The following SPI1 variants were observed in gnomAD, a reference collection of about 807,000 sequenced individuals.
SPI1 encodes transcription factor PU.1.
In SPI1, 3 loss-of-function variants were observed where a neutral mutation model predicts 30.7. The ratio of observed to expected loss-of-function variants is 0.10; its 90% CI spans 0.04 to 0.25. The LOEUF (loss-of-function observed/expected upper bound fraction) is 0.25, where lower values mean the gene tolerates loss of function less well. Ranked by LOEUF, SPI1 falls within the 10% of genes least tolerant of loss-of-function variation. The probability of loss-of-function intolerance (pLI) is 1.00; values close to 1 mark genes in which losing one functional copy is unlikely to be tolerated. For missense variants in SPI1, 261 were observed against 371.5 expected (o/e 0.70, Z 2.45); for synonymous variants, 169 against 157.1 (o/e 1.08, Z -0.56).
At chr11:47,361,127 A>C (rs1265024173) in intron 2 of SPI1, among the ~76,000 whole-genome samples, 2 of 151,602 alleles carry the variant, frequency 1.3e-5, no homozygotes, top group African/African-American at 2.4e-5. Context: ...TCTCAAAAAG[A>C]AAAAAAAAGA....
intron 1 of SPI1, 42 bp downstream of exon 1, chr11:47,378,267 G>C: frequency 6.2e-7 from 1 of 1,606,124 alleles, no homozygotes; most frequent in Non-Finnish European, 8.5e-7. Context: ...GCAGGCGTCC[G>C]AGGGCCACGG....
Position 47,355,261 on chromosome 11 carries a change from C to A in SPI1, c.779G>T (p.Gly260Val). ...YQFSGEVLGR[G>V]GLAERRHPPH is the part of the protein sequence containing the mutation. ...CGGGTGGCGCCGCTCGGCCAGGCCC[C>A]CGCGGCCCAGCACTTCGCCGCTGAA... is the stretch of plus-strand genomic sequence containing the variant. The change falls in exon 5 of 5, where the codon GGG (glycine) becomes GTG (valine). Residue 260 changes from glycine to valine, a missense_variant. Transcript: ENST00000378538. The A allele has an allele frequency of 6.7e-7, 1 of 1,502,138 alleles. No homozygotes were observed. Among genetic ancestry groups the A allele is most frequent in the South Asian group, 1.3e-5 (1 of 78,660 alleles). 93.1% of individuals were successfully genotyped at this position (1,502,138 alleles called of 1,614,324 possible).
chr11:47,378,119 C>T (rs954531130), intron 1 of SPI1, among the ~76,000 whole-genome samples, 190 bp downstream of exon 1: 3 of 152,252 alleles, frequency 2.0e-5, no homozygotes, highest in Non-Finnish European at 1.5e-5. Flanking sequence ...GGCCTCAGCC[C>T]GCCAGGGCAT....
intron 2 of SPI1, among the ~76,000 whole-genome samples, chr11:47,369,086 A>G (rs2095932225): frequency 6.6e-6 from 1 of 152,114 alleles, no homozygotes; most frequent in African/African-American, 2.4e-5. Flanking sequence ...TCTCTACTAA[A>G]AATACACACA....
At chr11:47,357,002 ACAC>A (rs1595855034) in intron 4 of SPI1, among the ~76,000 whole-genome samples, 1 of 148,914 alleles carries the variant, frequency 6.7e-6, no homozygotes, top group Admixed American at 6.7e-5. Context: ...ATCCATACAC[ACAC>A]TTCCTCACAC....
chr11:47,356,257 A>G (rs1378564942), intron 4 of SPI1, among the ~76,000 whole-genome samples: 1 of 149,580 alleles, frequency 6.7e-6, no homozygotes, highest in Non-Finnish European at 1.5e-5. Flanking sequence ...ACACACTGGC[A>G]CCCACACGAC....
chr11:47,361,974 A>G (rs1041829107), intron 2 of SPI1, among the ~76,000 whole-genome samples: 1 of 152,148 alleles, frequency 6.6e-6, no homozygotes, highest in African/African-American at 2.4e-5. Context: ...AGTCCAGACA[A>G]CCCAGACTCC....
intron 2 of SPI1, among the ~76,000 whole-genome samples, chr11:47,369,661 T>C (rs2095933090): frequency 1.3e-5 from 2 of 151,942 alleles, no homozygotes; most frequent in African/African-American, 4.8e-5. Context: ...GGAAAAACTC[T>C]AGTAACCAGA....
At chr11:47,377,857 T>G (rs1313475677) in intron 1 of SPI1, among the ~76,000 whole-genome samples, 1 of 152,228 alleles carries the variant, frequency 6.6e-6, no homozygotes, top group African/African-American at 2.4e-5. Flanking sequence ...TTCCATCAGC[T>G]TTGGTTTCCA....
chr11:47,375,669 A>G lies in SPI1; in HGVS notation c.106T>C (p.Tyr36His). Residue 36 changes from tyrosine (Y) to histidine (H), a missense_variant, in exon 2 of 5, where the codon TAC becomes CAC. Around this residue, in one of 5 missense-constraint regions of SPI1, gnomAD observed 78 missense variants for 93.2 expected, o/e 0.84. Coordinates refer to ENST00000378538, the MANE Select transcript of SPI1 (RefSeq NM_003120.3). This position sits in a 1 kb window ranked among gnomAD's most constrained non-coding sequence, Gnocchi z 4.2. ...DLYQRQTHEYYPYLSSDGESH... is the reference protein window; with the variant it reads ...DLYQRQTHEYHPYLSSDGESH... The stretch of plus-strand genomic sequence containing the variant: ...TCCCCATCACTGCTGAGATAGGGGT[A>G]ATACTCGTGCGTTTGGCGTTGGTAT... 1 of 1,613,966 alleles carries G rather than the reference A, an allele frequency of 6.2e-7. No homozygotes were observed. The highest frequency in any genetic ancestry group is 8.5e-7 in the Non-Finnish European group (1 of 1,179,906).
intron 2 of SPI1, among the ~76,000 whole-genome samples, chr11:47,361,128 A>G (rs557422215): frequency 4.2e-4 from 64 of 152,194 alleles, no homozygotes; most frequent in African/African-American, 1.5e-3. Flanking sequence ...CTCAAAAAGA[A>G]AAAAAAAGAA....
rs768484369 is a variant in SPI1, at chr11:47,378,313, G to A, written c.41C>T (p.Pro14Leu). 2 of 1,613,828 alleles carry A rather than the reference G, an allele frequency of 1.2e-6. No individual in the cohort carries two copies. Among genetic ancestry groups the A allele is most frequent in the South Asian group, 1.1e-5 (1 of 91,036 alleles). Reference sequence around the variant, plus strand: ...TGGAGGAGTCCCGGTACTCACAGGGGGGACGAGGGGAAACCCTTCCATTTT... The same window carrying A: ...TGGAGGAGTCCCGGTACTCACAGGGAGGACGAGGGGAAACCCTTCCATTTT... ...ACKMEGFPLV[P>L]PPSEDLVPYD... Residue 14 changes from proline (P) to leucine (L), a missense_variant, in exon 1 of 5, where the codon CCC becomes CTC. Around this residue, in one of 5 missense-constraint regions of SPI1, gnomAD observed 78 missense variants for 93.2 expected, o/e 0.84. Coordinates refer to ENST00000378538, the MANE Select transcript of SPI1 (RefSeq NM_003120.3).
intron 2 of SPI1, among the ~76,000 whole-genome samples, chr11:47,361,774 G>A (rs546001603): frequency 5.9e-5 from 9 of 152,122 alleles, no homozygotes; most frequent in Non-Finnish European, 1.0e-4. Context: ...ATCCCTAATA[G>A]ATAATCATGA....
chr11:47,355,589 A>G (rs746649486), intron 4 of SPI1, 43 bp from the exon 5 acceptor site: 1 of 1,500,188 alleles, frequency 6.7e-7, no homozygotes, highest in South Asian at 1.3e-5. Flanking sequence ...CGGGGCCCAC[A>G]TGGGAGCCGC....
At chr11:47,358,746 T>A (rs2095916096) in intron 4 of SPI1, 98 bp downstream of exon 4, 4 of 1,218,282 alleles carry the variant, frequency 3.3e-6, no homozygotes, top group Admixed American at 2.0e-5. Flanking sequence ...CACACGCGAC[T>A]CGGTGGCGTG....
At chr11:47,367,747 A>ATTT in intron 2 of SPI1, among the ~76,000 whole-genome samples, 1 of 135,552 alleles carries the variant, frequency 7.4e-6, no homozygotes, top group South Asian at 2.5e-4. Context: ...ATGATGGTTA[A>ATTT]ATTTTTTTTT....
At chr11:47,377,207 T>C (rs1199523501) in intron 1 of SPI1, among the ~76,000 whole-genome samples, 1 of 152,078 alleles carries the variant, frequency 6.6e-6, no homozygotes, top group Non-Finnish European at 1.5e-5. Context: ...CGCTGCAGGA[T>C]GTCAGCCCGG....
chr11:47,358,508 T>C (rs80199468), intron 4 of SPI1: 1 of 661,654 alleles, frequency 1.5e-6, no homozygotes, highest in Non-Finnish European at 2.8e-6. Flanking sequence ...ACACACCCAC[T>C]CACACAGCCA....
chr11:47,366,602 G>C lies in SPI1; in HGVS notation c.143-6562C>G, dbSNP rs185259634. 5.9e-5 allele frequency among the ~76,000 whole-genome samples: 9 copies of C among 152,238 alleles called. No individual in the cohort carries two copies. In the East Asian group the frequency reaches 1.7e-3, roughly 29 times the overall value. ...AGAGGTCGAGGCAGGTGGATCAACT[G>C]ACATCAGGAGTTCAAGATCAGCCTG... On this transcript the variant is annotated intron_variant, in intron 2 of 4. Transcript: ENST00000378538.
Sources: allele counts gnomAD v4.1 joint callset (sites outside exome capture counted in the v4.1 genomes callset), GRCh38; gene constraint gnomAD v4.1.1; regional missense constraint gnomAD v4.1.1; non-coding constraint Gnocchi (gnomAD v3.1); transcripts MANE v1.5; gene names NCBI Gene and HGNC (gene_info 2026-07-23, HGNC 2026-07-21).